The following LAMA3 variants were observed in gnomAD, a reference collection of about 807,000 sequenced individuals.
LAMA3 encodes the protein laminin subunit alpha 3, also known as laminin subunit alpha-3.
Under a neutral mutation model 402.0 loss-of-function variants are expected in LAMA3, and 281 were observed. That is an observed-to-expected ratio of 0.70 (90% CI 0.63 to 0.77). LAMA3 has a LOEUF of 0.77. Ranked by LOEUF, LAMA3 falls within the 30% of genes least tolerant of loss-of-function variation. The pLI is 0.00. For synonymous variants in LAMA3, 1,431 were observed against 1,558.4 expected (o/e 0.92, Z 1.93); for missense variants, 3,840 against 4,215.5 (o/e 0.91, Z 2.47).
intron 12 of LAMA3, among the ~76,000 whole-genome samples, chr18:23,806,219 C>T (rs1182005705): frequency 6.6e-6 from 1 of 152,246 alleles, no homozygotes; most frequent in African/African-American, 2.4e-5. Context: ...CAATTACCCC[C>T]ATTGCACTTA....
intron 6 of LAMA3, among the ~76,000 whole-genome samples, chr18:23,754,687 A>G (rs902797310): frequency 1.3e-4 from 20 of 152,350 alleles, no homozygotes; most frequent in Non-Finnish European, 2.5e-4. Context: ...TTTGCATACA[A>G]TAATATGCAT....
At chr18:23,718,451 T>C (rs1377207390) in intron 2 of LAMA3, among the ~76,000 whole-genome samples, 1 of 152,190 alleles carries the variant, frequency 6.6e-6, no homozygotes, top group Non-Finnish European at 1.5e-5. Flanking sequence ...TTGTATGCAA[T>C]GTGTAATGTT....
intron 32 of LAMA3, among the ~76,000 whole-genome samples, chr18:23,852,663 G>C (rs1323012989): frequency 6.6e-6 from 1 of 152,332 alleles, no homozygotes; most frequent in East Asian, 1.9e-4. Context: ...TGTGTGGGCT[G>C]TTATGGGAAC....
intron 67 of LAMA3, among the ~76,000 whole-genome samples, chr18:23,937,140 C>A (rs1047916327): frequency 6.6e-6 from 1 of 151,800 alleles, no homozygotes; most frequent in Non-Finnish European, 1.5e-5. Context: ...CCAAGGCAGG[C>A]AAATCACCTG....
At chr18:23,720,905 T>G (rs1598644530) in intron 2 of LAMA3, among the ~76,000 whole-genome samples, 1 of 152,182 alleles carries the variant, frequency 6.6e-6, no homozygotes, top group South Asian at 2.1e-4. Flanking sequence ...GTCTATAATC[T>G]CAGCACTTTG....
intron 5 of LAMA3, among the ~76,000 whole-genome samples, chr18:23,751,351 A>G (rs975133151): frequency 5.3e-5 from 8 of 152,208 alleles, no homozygotes; most frequent in African/African-American, 1.9e-4. Flanking sequence ...TGGATGGGAT[A>G]ATTAATACTA....
chr18:23,774,289 AT>A (rs1484621622), intron 9 of LAMA3, among the ~76,000 whole-genome samples: 1 of 152,242 alleles, frequency 6.6e-6, no homozygotes, highest in African/African-American at 2.4e-5. Context: ...GGATTTAATA[AT>A]AGTCACATTG....
chr18:23,854,081 C>G (rs899353997), intron 32 of LAMA3, among the ~76,000 whole-genome samples: 4 of 152,256 alleles, frequency 2.6e-5, no homozygotes, highest in African/African-American at 9.6e-5. Context: ...GCTCTCCTCC[C>G]TCTGCTCTGT....
At position 23,872,880 on chromosome 18, in the gene LAMA3, C is replaced by CACA. The variant is rs2064570564; in HGVS notation, c.4998+1219_4998+1220insACA. ...CGCTTACCTGCGGGACTGTTATGTG[C>CACA]GCTCTGGCACAGGCTGACTCATGTG... On this transcript the variant is annotated intron_variant, in intron 38 of 74. Transcript: ENST00000313654. 4 of 730,772 alleles carry CACA rather than the reference C, an allele frequency of 5.5e-6. No individual in the cohort carries two copies. In the East Asian group the frequency reaches 1.1e-4, roughly 20 times the overall value. 45.3% of individuals were successfully genotyped at this position (730,772 alleles called of 1,614,324 possible). A position where few individuals can be genotyped will look rare whatever the true frequency, so the allele number is the denominator to read the frequency against.
At chr18:23,733,541 C>T (rs2146018687) in intron 2 of LAMA3, among the ~76,000 whole-genome samples, 1 of 152,256 alleles carries the variant, frequency 6.6e-6, no homozygotes, top group South Asian at 2.1e-4. Flanking sequence ...TCCACCAGGT[C>T]CCTGCCATAC....
chr18:23,773,146 A>G (rs188853879), intron 8 of LAMA3, among the ~76,000 whole-genome samples: 1 of 152,368 alleles, frequency 6.6e-6, no homozygotes, highest in Non-Finnish European at 1.5e-5. Context: ...TCCATTCGTC[A>G]GTTCTTCTGA....
intron 11 of LAMA3, among the ~76,000 whole-genome samples, chr18:23,779,992 G>T (rs1010025691): frequency 6.6e-6 from 1 of 152,192 alleles, no homozygotes; most frequent in Non-Finnish European, 1.5e-5. Flanking sequence ...GGGCAGTCAC[G>T]TTGGCTTAGA....
chr18:23,822,142 T>C (rs1367722176), intron 19 of LAMA3, 110 bp from the exon 20 acceptor site: 1 of 1,163,062 alleles, frequency 8.6e-7, no homozygotes, highest in Non-Finnish European at 1.3e-6. Flanking sequence ...TGTGTATGTG[T>C]GTACATTACA....
intron 1 of LAMA3, chr18:23,709,758 G>A (rs903370771): frequency 1.8e-6 from 1 of 555,532 alleles, no homozygotes; most frequent in African/African-American, 1.9e-5. Context: ...TGCTCCACAA[G>A]TTTGATTGTC....
chr18:23,837,297 T>A, intron 25 of LAMA3: 1 of 567,438 alleles, frequency 1.8e-6, no homozygotes, highest in Non-Finnish European at 3.2e-6. Flanking sequence ...AATTTAGTCA[T>A]ATTTAAGCAC....
chr18:23,762,825 C>T (rs1338214737), intron 7 of LAMA3, among the ~76,000 whole-genome samples: 1 of 146,092 alleles, frequency 6.8e-6, no homozygotes, highest in African/African-American at 2.6e-5. Context: ...TCCAAGGATT[C>T]TCCTGCCTCA....
At chr18:23,898,116 C>T (rs1154225) in intron 44 of LAMA3, 146,384 of 152,282 alleles carry the variant, frequency 0.96, 70,490 homozygotes, top group East Asian at 1. Flanking sequence ...CTAGATATTA[C>T]GTGCAGTAGT....
At position 23,914,579 on chromosome 18, in the gene LAMA3, T is replaced by C; in HGVS notation, c.7481+18T>C. On this transcript the variant is annotated intron_variant, in intron 57 of 74. Transcript: ENST00000313654. ...TTTCAGAGGTACAAGTCTGATTGACTGTACCTGTGCTCACCAAACTTCCAT... is the reference window on the plus strand; with the variant it reads ...TTTCAGAGGTACAAGTCTGATTGACCGTACCTGTGCTCACCAAACTTCCAT... 1 of 1,613,778 alleles carries C rather than the reference T, an allele frequency of 6.2e-7. No individual in the cohort carries two copies. The highest frequency in any genetic ancestry group is 1.3e-5 in the African/African-American group (1 of 75,050).
chr18:23,706,252 A>G (rs774849283), intron 1 of LAMA3, among the ~76,000 whole-genome samples: 5 of 152,130 alleles, frequency 3.3e-5, no homozygotes, highest in Non-Finnish European at 5.9e-5. Context: ...TATTCCCAGG[A>G]TTTTGCTCTT....
Sources: allele counts gnomAD v4.1 joint callset (sites outside exome capture counted in the v4.1 genomes callset), GRCh38; gene constraint gnomAD v4.1.1; transcripts MANE v1.5; gene names NCBI Gene and HGNC (gene_info 2026-07-23, HGNC 2026-07-21).